POU6F1: variants seen among roughly 807,000 people sequenced by gnomAD.
POU6F1 encodes POU class 6 homeobox 1.
In POU6F1, 9 loss-of-function variants were observed where a neutral mutation model predicts 28.9. The ratio of observed to expected loss-of-function variants is 0.31; its 90% CI spans 0.19 to 0.54. The LOEUF (loss-of-function observed/expected upper bound fraction) is 0.54, where lower values mean the gene tolerates loss of function less well. Among genes scored for constraint, POU6F1 ranks in the 20% least tolerant of loss-of-function variants. The probability of loss-of-function intolerance (pLI) is 0.94; values close to 1 mark genes in which losing one functional copy is unlikely to be tolerated. For synonymous variants in POU6F1, 173 were observed against 171.1 expected, an observed-to-expected ratio of 1.01 and a Z score of -0.09; for missense variants, 338 against 426.1, an observed-to-expected ratio of 0.79 and a Z score of 1.82.
intron 3 of POU6F1, among the ~76,000 whole-genome samples, chr12:51,203,574 A>G (rs931657699): frequency 2.0e-5 from 3 of 152,306 alleles, no homozygotes; most frequent in Admixed American, 2.0e-4. Context: ...AGAGCAAGTA[A>G]TGTGTGGCCA....
chr12:51,199,042 A>G lies in POU6F1; in HGVS notation c.367-267T>C, dbSNP rs1943030749. Reference sequence around the variant, plus strand: ...TGCTCACAGGATGGGAAGGGGGCACAGGCCTCCCCCACCACAGCCTGCTGC... The same window carrying G: ...TGCTCACAGGATGGGAAGGGGGCACGGGCCTCCCCCACCACAGCCTGCTGC... On this transcript the variant is annotated intron_variant, in intron 4 of 10. Coordinates refer to ENST00000333640, the MANE Select transcript of POU6F1 (RefSeq NM_001330422.2). This position sits in a 1 kb window ranked among gnomAD's most constrained non-coding sequence, Gnocchi z 4.1. Among the ~76,000 whole-genome samples, 1 of 152,206 alleles carries G rather than the reference A, an allele frequency of 6.6e-6. No individual in the cohort carries two copies. The highest frequency in any genetic ancestry group is 2.4e-5 in the African/African-American group (1 of 41,464).
rs557343037 is a variant in POU6F1, at chr12:51,217,112, G to C, written c.-48+530C>G. On this transcript the variant is annotated intron_variant, in intron 1 of 10. Coordinates refer to ENST00000333640, the MANE Select transcript of POU6F1 (RefSeq NM_001330422.2). The surrounding 1 kb of genome is among the most constrained non-coding windows in gnomAD (Gnocchi z 5.3). ...GCAACGCCTGGGTCCCTACCCCCGG[G>C]TCCCACCGGTCGTCCCGGAGTTTGT... 4.6e-5 allele frequency among the ~76,000 whole-genome samples: 7 copies of C among 152,284 alleles called. No individual in the cohort carries two copies. Among genetic ancestry groups the C allele is most frequent in the Admixed American group, 3.9e-4 (6 of 15,306 alleles).
intron 2 of POU6F1, among the ~76,000 whole-genome samples, chr12:51,204,973 G>T (rs1359231084): frequency 2.0e-5 from 3 of 151,796 alleles, no homozygotes; most frequent in South Asian, 4.2e-4. Flanking sequence ...CTGAAACAAG[G>T]GTCAAGAATC....
chr12:51,205,887 C>T (rs1943570559), intron 2 of POU6F1, among the ~76,000 whole-genome samples: 4 of 148,116 alleles, frequency 2.7e-5, no homozygotes, highest in East Asian at 4.1e-4. Context: ...GGCGCGATCT[C>T]GGCTCACTGC....
At chr12:51,206,145 C>T (rs1459996048) in intron 2 of POU6F1, among the ~76,000 whole-genome samples, 14 of 142,830 alleles carry the variant, frequency 9.8e-5, no homozygotes, top group African/African-American at 3.0e-4. Context: ...AAAAATGGGC[C>T]GGGCGCGGTG....
Position 51,198,017 on chromosome 12 carries a change from G to A in POU6F1, c.599C>T (p.Ala200Val). 2.5e-6 allele frequency: 1 copy of A among 399,526 alleles called. No homozygotes were observed. The highest frequency in any genetic ancestry group is 1.3e-4 in the South Asian group (1 of 7,918). 24.7% of individuals were successfully genotyped at this position (399,526 alleles called of 1,614,324 possible). A position where few individuals can be genotyped will look rare whatever the true frequency, so the allele number is the denominator to read the frequency against. The change falls in exon 6 of 11, where the codon GCT becomes GTT. Residue 200 changes from alanine to valine, a missense_variant. Ala to Val is a moderately conservative substitution (Grantham distance 64). This residue lies in a region of POU6F1 where 206 missense variants were observed against 225.6 expected (regional missense o/e 0.91). Coordinates refer to ENST00000333640, the MANE Select transcript of POU6F1 (RefSeq NM_001330422.2). ...KPPLAGLQAA[A>V]VLNTALPAPV... ...TGCCGGAAGAGCGGTGTTCAGCACA[G>A]CAGCTGCTATGGAGCAAGGCAGAGA...
intron 6 of POU6F1, among the ~76,000 whole-genome samples, 153 bp downstream of exon 6, chr12:51,197,617 A>AC (rs1942921912): frequency 6.6e-6 from 1 of 152,002 alleles, no homozygotes; most frequent in African/African-American, 2.4e-5. Context: ...AGCTGCAAGG[A>AC]GAAGGCCTCA....
chr12:51,192,341 T>C lies in POU6F1; in HGVS notation c.1310A>G (p.Gln437Arg), dbSNP rs762838757. ...ITCSETPTVSQLVSKPHTPSL... is the reference protein window; with the variant it reads ...ITCSETPTVSRLVSKPHTPSL... Reference sequence around the variant, plus strand: ...CAGGAGCCACTTACTGGACACCAACTGGCTGACGGTGGGGGTCTCTGAGCA... The same window carrying C: ...CAGGAGCCACTTACTGGACACCAACCGGCTGACGGTGGGGGTCTCTGAGCA... The change falls in exon 9 of 11, where the codon CAG (glutamine) becomes CGG (arginine). Residue 437 changes from glutamine (Q) to arginine (R), a missense_variant. This residue lies in a region of POU6F1 where 206 missense variants were observed against 225.6 expected (regional missense o/e 0.91). Coordinates refer to ENST00000333640, the MANE Select transcript of POU6F1 (RefSeq NM_001330422.2). The C allele has an allele frequency of 8.7e-6, 14 of 1,614,096 alleles. No homozygotes were observed. The highest frequency in any genetic ancestry group is 1.6e-4 in the Middle Eastern group (1 of 6,062).
At chr12:51,216,641 G>A (rs1944300313) in intron 1 of POU6F1, among the ~76,000 whole-genome samples, 1 of 152,186 alleles carries the variant, frequency 6.6e-6, no homozygotes, top group East Asian at 1.9e-4. Context: ...TCCTCAGAAG[G>A]CCTCTGCCAG....
chr12:51,206,096 G>C (rs1173594476), intron 2 of POU6F1, among the ~76,000 whole-genome samples: 1 of 147,416 alleles, frequency 6.8e-6, no homozygotes, highest in African/African-American at 2.5e-5. Context: ...TGGGATTATA[G>C]GTGTGAGCCA....
Position 51,189,043 on chromosome 12 carries a change from C to G in POU6F1, c.*1204G>C, listed in dbSNP as rs571694665. On this transcript the variant is annotated 3_prime_UTR_variant, in exon 11 of 11. Coordinates refer to ENST00000333640, the MANE Select transcript of POU6F1 (RefSeq NM_001330422.2). ...AAACTCAATCTGATCTGGGGGTGTC[C>G]TTGGCTCAGAGGACACTGTGGGGAT... The G allele has an allele frequency of 1.2e-4, 18 of 152,256 alleles. No homozygotes were observed. The highest frequency in any genetic ancestry group is 4.1e-4 in the African/African-American group (17 of 41,534). The allele number at this position is 152,256 out of a possible 1,614,324, so 9.4% of individuals were successfully genotyped here. A position where few individuals can be genotyped will look rare whatever the true frequency, so the allele number is the denominator to read the frequency against.
intron 1 of POU6F1, among the ~76,000 whole-genome samples, chr12:51,213,728 T>A (rs1944148007): frequency 6.6e-6 from 1 of 151,066 alleles, no homozygotes. Flanking sequence ...GAGACGGGGT[T>A]TCCCCATATT....
chr12:51,201,431 C>T (rs1462074865), intron 3 of POU6F1, among the ~76,000 whole-genome samples: 2 of 151,884 alleles, frequency 1.3e-5, no homozygotes, highest in African/African-American at 4.8e-5. Flanking sequence ...AATCCCAGCA[C>T]TTTGGGAGGC....
chr12:51,206,767 C>G (rs1026733941), intron 2 of POU6F1, 22 bp downstream of exon 2: 6 of 398,594 alleles, frequency 1.5e-5, no homozygotes, highest in Non-Finnish European at 2.2e-5. Flanking sequence ...CTTACCCCCC[C>G]ACTTCCCACC....
intron 3 of POU6F1, chr12:51,202,168 T>C (rs1250405286): frequency 6.6e-6 from 1 of 151,922 alleles, no homozygotes; most frequent in Non-Finnish European, 1.5e-5. Flanking sequence ...GCCACCAATA[T>C]AGGTTTTATC....
intron 1 of POU6F1, among the ~76,000 whole-genome samples, chr12:51,209,056 T>A (rs937816886): frequency 6.6e-6 from 1 of 152,212 alleles, no homozygotes; most frequent in African/African-American, 2.4e-5. Flanking sequence ...TTCAGTACTA[T>A]GAGAAATAAA....
intron 7 of POU6F1, among the ~76,000 whole-genome samples, 190 bp downstream of exon 7, chr12:51,196,609 C>T (rs1484165672): frequency 6.6e-6 from 1 of 152,256 alleles, no homozygotes; most frequent in East Asian, 1.9e-4. Context: ...AATGTGAGCA[C>T]CTCCAGGACA....
rs1289988706 is a variant in POU6F1, at chr12:51,192,397, C to G, written c.1254G>C (p.Lys418Asn). Residue 418 changes from lysine to asparagine, a missense_variant, in exon 9 of 11, where the codon AAG becomes AAC. Transcript: ENST00000333640. ...VVIASPAPAA[K>N]PSASAPIPIT... ...TTGGGATAGGAGCAGAGGCAGATGGCTTGGCGGCTGGAGCTGGGCTGGCAA... is the reference window on the plus strand; with the variant it reads ...TTGGGATAGGAGCAGAGGCAGATGGGTTGGCGGCTGGAGCTGGGCTGGCAA... The G allele has an allele frequency of 6.2e-7, 1 of 1,614,156 alleles. No homozygotes were observed. The highest frequency in any genetic ancestry group is 1.1e-5 in the South Asian group (1 of 91,084).
chr12:51,200,148 G>A (rs1047884775), intron 3 of POU6F1, among the ~76,000 whole-genome samples: 10 of 152,180 alleles, frequency 6.6e-5, no homozygotes, highest in Non-Finnish European at 1.5e-4. Context: ...ATACCCAGGT[G>A]AGTGTTAGCC....
Sources: gnomAD v4.1 joint callset for allele counts (sites outside exome capture counted in the v4.1 genomes callset) on GRCh38, gnomAD v4.1.1 for gene constraint, gnomAD v4.1.1 regional missense constraint, Gnocchi (gnomAD v3.1) non-coding constraint, MANE v1.5 for transcripts, NCBI Gene and HGNC (gene_info 2026-07-23, HGNC 2026-07-21) for gene names.